DENND3: variants seen among roughly 807,000 people sequenced by gnomAD.
DENND3 encodes the protein DENN domain containing 3, also known as DENN domain-containing protein 3.
In DENND3, 88 loss-of-function variants were observed where a neutral mutation model predicts 135.1. The observed-to-expected ratio is 0.65, with a 90% confidence interval of 0.55 to 0.78. The LOEUF (loss-of-function observed/expected upper bound fraction) is 0.78. Among genes scored for constraint, DENND3 ranks in the 30% least tolerant of loss-of-function variants. The probability of loss-of-function intolerance (pLI) is 0.00; values close to 1 mark genes in which losing one functional copy is unlikely to be tolerated. For missense variants in DENND3, 1,392 were observed against 1,688.4 expected, an observed-to-expected ratio of 0.82 and a Z score of 3.08; for synonymous variants, 693 against 712.3, an observed-to-expected ratio of 0.97 and a Z score of 0.43.
Position 141,128,822 on chromosome 8 carries a change from G to A in DENND3, c.102+13G>A, listed in dbSNP as rs1815505312. 1.4e-6 allele frequency: 2 copies of A among 1,393,406 alleles called. No homozygotes were observed. The highest frequency in any genetic ancestry group is 1.5e-5 in the South Asian group (1 of 68,072). 86.3% of individuals were successfully genotyped at this position (1,393,406 alleles called of 1,614,324 possible). On this transcript the variant is annotated intron_variant, in intron 1 of 22. Transcript: ENST00000519811. The surrounding 1 kb of genome is among the most constrained non-coding windows in gnomAD (Gnocchi z 4.5). ...AAGTCTCGAGCAGGTGAGGGGCGGG[G>A]AAACTGAGGCGGACGTGGGCCACGA...
At chr8:141,187,064 A>T (rs1022723945) in intron 18 of DENND3, among the ~76,000 whole-genome samples, 1 of 151,062 alleles carries the variant, frequency 6.6e-6, no homozygotes, top group Non-Finnish European at 1.5e-5. Flanking sequence ...TATAGTTTTC[A>T]AAATATTTTC....
chr8:141,172,511 C>T (rs1449123231), intron 13 of DENND3, among the ~76,000 whole-genome samples: 1 of 152,180 alleles, frequency 6.6e-6, no homozygotes, highest in African/African-American at 2.4e-5. Flanking sequence ...ACACTTCACC[C>T]TGCCAAGCCC....
At chr8:141,181,506 G>A (rs114223953) in intron 17 of DENND3, among the ~76,000 whole-genome samples, 3,235 of 152,298 alleles carry the variant, frequency 0.021, 121 homozygotes, top group African/African-American at 0.073. Flanking sequence ...CCTCTTCTCC[G>A]CTGGGTGCGG....
rs1323960417 is a variant in DENND3 at position 141,174,060 on chromosome 8, T to C, written c.2276-1140T>C. ...GAAGGCGTGCGTGGGCATGCCTACC[T>C]GGGTGTTGAGGGATGGGTAGGAGTT... is the stretch of plus-strand genomic sequence containing the variant. On this transcript the variant is annotated intron_variant, in intron 13 of 22. Transcript: ENST00000519811. This position sits in a 1 kb window ranked among gnomAD's most constrained non-coding sequence, Gnocchi z 4.6. Among the ~76,000 whole-genome samples, 2 of 152,122 alleles carry C rather than the reference T, an allele frequency of 1.3e-5. No homozygotes were observed. The highest frequency in any genetic ancestry group is 6.5e-5 in the Admixed American group (1 of 15,274).
chr8:141,151,691 A>T lies in DENND3; in HGVS notation c.928A>T (p.Thr310Ser), dbSNP rs753510043. The T allele has an allele frequency of 1.9e-6, 3 of 1,613,946 alleles. No homozygotes were observed. The highest frequency in any genetic ancestry group is 2.5e-6 in the Non-Finnish European group (3 of 1,180,004). ...GGACTGGGCTCTGCTGACGCTGGTC[A>T]CTGAGTGCTTCATGGCCTACCTGTA... ...SSDWALLTLV[T>S]ECFMAYLYPL... Residue 310 changes from threonine (T) to serine (S), a missense_variant, in exon 7 of 23, where the codon ACT (threonine) becomes TCT (serine). Physicochemically the swap from Thr to Ser is moderately conservative, Grantham distance 58. Coordinates refer to ENST00000519811, the MANE Select transcript of DENND3 (RefSeq NM_001352890.3).
chr8:141,176,835 G>A (rs891010404), intron 15 of DENND3, 74 bp downstream of exon 15: 1 of 1,551,752 alleles, frequency 6.4e-7, no homozygotes, highest in Non-Finnish European at 8.8e-7. Flanking sequence ...GGGTCCTGTG[G>A]CAGTCCTCAG....
In DENND3 at chr8:141,136,562, C is replaced by T. The variant is rs2154612696; in HGVS notation, c.156C>T (p.Val52=). 3 of 1,563,160 alleles carry T rather than the reference C, an allele frequency of 1.9e-6. No homozygotes were observed. Among genetic ancestry groups the T allele is most frequent in the Non-Finnish European group, 2.6e-6 (3 of 1,153,420 alleles). The change falls in exon 2 of 23, where the codon GTC becomes GTT. Residue 52 remains valine, a synonymous_variant. Transcript: ENST00000519811. The part of the protein sequence containing the change: ...KHLSALLDPE[V]LSIFVPPFIS... The stretch of plus-strand genomic sequence containing the variant: ...TTTCTGCTCTTCTTGATCCAGAGGT[C>T]CTGTCCATTTTCGTGCCTCCTTTTA...
chr8:141,131,625 T>C (rs1018341109), intron 1 of DENND3, among the ~76,000 whole-genome samples: 19 of 152,230 alleles, frequency 1.2e-4, no homozygotes, highest in Admixed American at 5.9e-4. Context: ...ATAAAAAAAT[T>C]GATTAATTTC....
chr8:141,192,807 C>A, intron 22 of DENND3, 144 bp downstream of exon 22: 1 of 1,574,634 alleles, frequency 6.4e-7, no homozygotes, highest in Non-Finnish European at 8.6e-7. Context: ...CAGGCACGTG[C>A]AGGGTTGGTG....
chr8:141,181,995 T>C (rs1456880911), intron 17 of DENND3, among the ~76,000 whole-genome samples: 2 of 152,100 alleles, frequency 1.3e-5, no homozygotes, highest in Non-Finnish European at 2.9e-5. Context: ...GGTTTCGCCA[T>C]GTTGCCTAGG....
At chr8:141,152,289 A>G (rs1035965444) in intron 7 of DENND3, among the ~76,000 whole-genome samples, 2 of 152,200 alleles carry the variant, frequency 1.3e-5, no homozygotes, top group African/African-American at 4.8e-5. Flanking sequence ...CTCAAAGTTT[A>G]CCCAATTAAA....
chr8:141,151,326 G>A (rs538064759), intron 6 of DENND3, among the ~76,000 whole-genome samples: 4 of 152,140 alleles, frequency 2.6e-5, no homozygotes, highest in South Asian at 2.1e-4. Context: ...TTTGGGAGGC[G>A]AAGTGGAAGG....
chr8:141,131,560 G>A (rs1413635435), intron 1 of DENND3, among the ~76,000 whole-genome samples: 1 of 152,212 alleles, frequency 6.6e-6, no homozygotes, highest in Non-Finnish European at 1.5e-5. Flanking sequence ...TGGCCAGTGA[G>A]CTAAGAAACT....
rs549957786 is a variant in DENND3 at position 141,163,238 on chromosome 8, G to C, written c.1353-95G>C. 1.8e-5 allele frequency: 11 copies of C among 617,158 alleles called. No homozygotes were observed. In the East Asian group the frequency reaches 2.8e-4, roughly 16 times the overall value. 38.2% of individuals were successfully genotyped at this position (617,158 alleles called of 1,614,324 possible). A position where few individuals can be genotyped will look rare whatever the true frequency, so the allele number is the denominator to read the frequency against. ...GAAGAACATGGCTTTTTCAAAGTTCGTATCTCTTCTAACCATTTCTCTGCT... is the reference window on the plus strand; with the variant it reads ...GAAGAACATGGCTTTTTCAAAGTTCCTATCTCTTCTAACCATTTCTCTGCT... On this transcript the variant is annotated intron_variant, in intron 9 of 22. Coordinates refer to ENST00000519811, the MANE Select transcript of DENND3 (RefSeq NM_001352890.3).
rs1824550713 is a variant in DENND3 at position 141,190,340 on chromosome 8, T to C, written c.3302T>C (p.Leu1101Pro). ...GTGCTGGTGTGGAATGTGAGCACACTGCAGGTGACCAGCCGCTTCCAGCTG... is the reference window on the plus strand; with the variant it reads ...GTGCTGGTGTGGAATGTGAGCACACCGCAGGTGACCAGCCGCTTCCAGCTG... Reference protein sequence around the residue: ...GMVLVWNVSTLQVTSRFQLPR... With the variant: ...GMVLVWNVSTPQVTSRFQLPR... Residue 1101 changes from leucine (L) to proline (P), a missense_variant, in exon 20 of 23, where the codon CTG (leucine) becomes CCG (proline). Coordinates refer to ENST00000519811, the MANE Select transcript of DENND3 (RefSeq NM_001352890.3). 6.2e-7 allele frequency: 1 copy of C among 1,613,330 alleles called. No homozygotes were observed. The highest frequency in any genetic ancestry group is 1.3e-5 in the African/African-American group (1 of 74,912).
At chr8:141,190,256 GGTGT>G (rs144171689) in intron 19 of DENND3, 24 bp from the exon 20 acceptor site, 25 of 1,541,412 alleles carry the variant, frequency 1.6e-5, no homozygotes, top group South Asian at 8.9e-5. Flanking sequence ...CCAAGTTAAA[GGTGT>G]GTGTGTGTGT....
In DENND3 at chr8:141,166,114, A is replaced by G; in HGVS notation, c.1554-76A>G. 7.0e-7 allele frequency: 1 copy of G among 1,438,430 alleles called. No homozygotes were observed. Among genetic ancestry groups the G allele is most frequent in the Non-Finnish European group, 9.7e-7 (1 of 1,030,878 alleles). The allele number at this position is 1,438,430 out of a possible 1,614,324, so 89.1% of individuals were successfully genotyped here. A position where few individuals can be genotyped will look rare whatever the true frequency, so the allele number is the denominator to read the frequency against. On this transcript the variant is annotated intron_variant, in intron 11 of 22. Coordinates refer to ENST00000519811, the MANE Select transcript of DENND3 (RefSeq NM_001352890.3). The surrounding 1 kb of genome is among the most constrained non-coding windows in gnomAD (Gnocchi z 4.3). ...GTCATGTGCTCTTCATCACACTGGG[A>G]AAAATGCTTAGTTTAGGCTTATTCT...
intron 1 of DENND3, 66 bp from the exon 2 acceptor site, chr8:141,136,443 A>T: frequency 1.4e-6 from 2 of 1,445,204 alleles, no homozygotes; most frequent in Non-Finnish European, 1.8e-6. Flanking sequence ...TGAAGCTCAG[A>T]CAGAAAGGAT....
intron 4 of DENND3, chr8:141,142,337 GTCA>G: frequency 2.2e-6 from 1 of 455,948 alleles, no homozygotes; most frequent in Non-Finnish European, 4.4e-6. Flanking sequence ...TCCCTTTTGT[GTCA>G]TCATGCTGGA....
Sources: allele counts gnomAD v4.1 joint callset (sites outside exome capture counted in the v4.1 genomes callset), GRCh38; gene constraint gnomAD v4.1.1; non-coding constraint Gnocchi (gnomAD v3.1); transcripts MANE v1.5; gene names NCBI Gene and HGNC (gene_info 2026-07-23, HGNC 2026-07-21).